The following GRIP1 variants were observed in gnomAD, a reference collection of about 807,000 sequenced individuals.
The protein encoded by GRIP1 is glutamate receptor-interacting protein 1.
A neutral mutation model predicts 129.9 loss-of-function variants in GRIP1; 45 were observed. The observed-to-expected ratio is 0.35, with a 90% confidence interval of 0.27 to 0.44. The LOEUF is 0.44. Among genes scored for constraint, GRIP1 ranks in the 20% least tolerant of loss-of-function variants. The pLI is 1.00. For synonymous variants in GRIP1, 530 were observed against 520.8 expected, an observed-to-expected ratio of 1.02 and a Z score of -0.24; for missense variants, 1,196 against 1,396.8, an observed-to-expected ratio of 0.86 and a Z score of 2.29.
intron 1 of GRIP1, among the ~76,000 whole-genome samples, chr12:66,911,632 A>T (rs2041031131): frequency 6.6e-6 from 1 of 152,208 alleles, no homozygotes; most frequent in Non-Finnish European, 1.5e-5. Context: ...CCTAGAATCA[A>T]GAAAATAGTA....
At chr12:66,570,823 T>A (rs1261058460) in intron 2 of GRIP1, 4 of 152,208 alleles carry the variant, frequency 2.6e-5, no homozygotes, top group African/African-American at 9.7e-5. Context: ...GCACAAAACC[T>A]AGATCTTCCT....
At chr12:66,708,314 AAACTT>A (rs961948982) in intron 1 of GRIP1, among the ~76,000 whole-genome samples, 1 of 151,970 alleles carries the variant, frequency 6.6e-6, no homozygotes, top group African/African-American at 2.4e-5. Flanking sequence ...CAGGTAATAA[AAACTT>A]AAAGAAAAAA....
At chr12:66,482,732 T>A (rs2059840862) in intron 7 of GRIP1, among the ~76,000 whole-genome samples, 1 of 152,112 alleles carries the variant, frequency 6.6e-6, no homozygotes, top group Admixed American at 6.5e-5. Flanking sequence ...GCTGGATAAA[T>A]GGGGCACTCT....
chr12:66,353,665 T>C, intron 23 of GRIP1, 102 bp from the exon 24 acceptor site: 9 of 1,014,024 alleles, frequency 8.9e-6, no homozygotes, highest in Non-Finnish European at 1.4e-5. Flanking sequence ...AGTCACATCA[T>C]GATTTGTAAT....
intron 1 of GRIP1, among the ~76,000 whole-genome samples, chr12:66,952,409 A>C (rs980207627): frequency 3.3e-5 from 5 of 152,218 alleles, no homozygotes; most frequent in African/African-American, 4.8e-5. Context: ...TAAAGCACTA[A>C]GTTTCTCCGT....
At chr12:66,431,681 G>A (rs1021187714) in intron 14 of GRIP1, among the ~76,000 whole-genome samples, 9 of 152,160 alleles carry the variant, frequency 5.9e-5, no homozygotes, top group African/African-American at 2.2e-4. Flanking sequence ...TTACCTCTAC[G>A]TCTCCTTTGG....
chr12:66,493,571 A>G (rs2060160821), intron 7 of GRIP1, among the ~76,000 whole-genome samples: 1 of 152,090 alleles, frequency 6.6e-6, no homozygotes, highest in Non-Finnish European at 1.5e-5. Context: ...AATTGAGGGA[A>G]CTCCTGAAAT....
At chr12:66,909,141 T>A (rs924445877) in intron 1 of GRIP1, among the ~76,000 whole-genome samples, 2 of 152,162 alleles carry the variant, frequency 1.3e-5, no homozygotes, top group Non-Finnish European at 2.9e-5. Flanking sequence ...TCCTTCCTTC[T>A]CTCTATCCTT....
intron 5 of GRIP1, among the ~76,000 whole-genome samples, chr12:66,524,841 A>G (rs920228167): frequency 3.9e-5 from 6 of 152,234 alleles, no homozygotes; most frequent in Non-Finnish European, 7.3e-5. Flanking sequence ...AAAATGATAA[A>G]GGGGATATCA....
In GRIP1 at chr12:67,027,482, G is replaced by A. The variant is rs116003231; in HGVS notation, c.58+41568C>T. 3.4e-3 allele frequency among the ~76,000 whole-genome samples: 517 copies of A among 152,302 alleles called. 1 individual carries two copies. The highest frequency in any genetic ancestry group is 0.011 in the African/African-American group (458 of 41,564). On this transcript the variant is annotated intron_variant, in intron 1 of 1. Coordinates refer to the GRIP1 transcript ENST00000643019. ...GTGTCTAATATGGGCAAAATGCCAT[G>A]CTAAATACTTAGGCTATAGTGACGT...
At chr12:66,575,313 A>G (rs987890735) in intron 2 of GRIP1, among the ~76,000 whole-genome samples, 1 of 152,244 alleles carries the variant, frequency 6.6e-6, no homozygotes, top group Admixed American at 6.5e-5. Context: ...AGGTGTGAGT[A>G]TTATTAAAGG....
intron 1 of GRIP1, among the ~76,000 whole-genome samples, chr12:66,787,439 CTA>C (rs1475754617): frequency 1.1e-4 from 16 of 152,166 alleles, no homozygotes; most frequent in African/African-American, 3.9e-4. Context: ...TCCACCAGTG[CTA>C]TGAGTTGAAT....
chr12:66,910,472 T>C (rs1367663894), intron 1 of GRIP1, among the ~76,000 whole-genome samples: 3 of 152,148 alleles, frequency 2.0e-5, no homozygotes, highest in East Asian at 1.9e-4. Flanking sequence ...CAAATCTGTA[T>C]TGAAACCAAA....
At chr12:66,780,916 C>CA (rs1170012702) in intron 1 of GRIP1, among the ~76,000 whole-genome samples, 2 of 152,236 alleles carry the variant, frequency 1.3e-5, no homozygotes, top group African/African-American at 4.8e-5. Context: ...AGAATACCTA[C>CA]AGTTGAGCTG....
At chr12:66,451,740 T>C (rs2058813374) in intron 11 of GRIP1, among the ~76,000 whole-genome samples, 1 of 152,146 alleles carries the variant, frequency 6.6e-6, no homozygotes, top group Admixed American at 6.5e-5. Flanking sequence ...TCCCACACTA[T>C]AGTCAACCTG....
At position 66,518,328 on chromosome 12, in the gene GRIP1, G is replaced by C. The variant is rs1431677390; in HGVS notation, c.503-352C>G. ...TGTGTATATCTGTGCCAATCAAACT[G>C]ATCTAAAATACTGGTCAGTAGGTCT... On this transcript the variant is annotated intron_variant, in intron 5 of 24. Coordinates refer to ENST00000359742, the MANE Select transcript of GRIP1 (RefSeq NM_001366722.1). 1.3e-5 allele frequency among the ~76,000 whole-genome samples: 2 copies of C among 151,996 alleles called. 1 individual carries two copies. The highest frequency in any genetic ancestry group is 6.8e-3 in the Middle Eastern group (2 of 294).
chr12:66,408,433 C>T (rs971927578), intron 15 of GRIP1, among the ~76,000 whole-genome samples: 4 of 152,094 alleles, frequency 2.6e-5, no homozygotes, highest in Non-Finnish European at 4.4e-5. Context: ...GAGCCGATTG[C>T]ACCACTGCAC....
intron 1 of GRIP1, among the ~76,000 whole-genome samples, chr12:66,663,473 A>G (rs1009038614): frequency 2.0e-5 from 3 of 150,688 alleles, no homozygotes; most frequent in Admixed American, 6.6e-5. Flanking sequence ...ATGAGTTCAA[A>G]TCATCTCTTT....
intron 1 of GRIP1, among the ~76,000 whole-genome samples, chr12:66,751,589 G>A (rs1488479961): frequency 6.6e-6 from 1 of 152,122 alleles, no homozygotes; most frequent in Non-Finnish European, 1.5e-5. Context: ...TTCTCTTTCT[G>A]CTGGTGTGAA....
Sources: gnomAD v4.1 joint callset for allele counts (sites outside exome capture counted in the v4.1 genomes callset) on GRCh38, gnomAD v4.1.1 for gene constraint, MANE v1.5 for transcripts, NCBI Gene and HGNC (gene_info 2026-07-23, HGNC 2026-07-21) for gene names.